The following TENM3 variants were observed in gnomAD, a reference collection of about 807,000 sequenced individuals.
The protein encoded by TENM3 is teneurin-3.
A neutral mutation model predicts 255.1 loss-of-function variants in TENM3; 63 were observed. The ratio of observed to expected loss-of-function variants is 0.25; its 90% CI spans 0.20 to 0.30. The LOEUF (loss-of-function observed/expected upper bound fraction) is 0.30, where lower values mean the gene tolerates loss of function less well. TENM3 is among the 10% of genes least tolerant of loss of function. The pLI, the probability that TENM3 is intolerant of heterozygous loss-of-function variation, is 1.00. For synonymous variants in TENM3, 1,306 were observed against 1,322.3 expected, an observed-to-expected ratio of 0.99 and a Z score of 0.27; for missense variants, 2,929 against 3,461.1, an observed-to-expected ratio of 0.85 and a Z score of 3.86.
chr4:181,605,588 A>AGAGAGAGAGAAAGAAAG, the TENM3 span, among the ~76,000 whole-genome samples: 3 of 37,550 alleles, frequency 8.0e-5, no homozygotes, highest in Non-Finnish European at 1.7e-4. Context: ...AAGAAAGGAA[A>AGAGAGAGAGAAAGAAAG]GAAAGAAAGA....
intron 12 of TENM3, among the ~76,000 whole-genome samples, chr4:182,702,527 T>C (rs1184777042): frequency 1.3e-5 from 2 of 152,220 alleles, no homozygotes; most frequent in African/African-American, 4.8e-5. Context: ...GAATCAATAA[T>C]ATTTAATATG....
At chr4:181,715,917 C>T in the TENM3 span, among the ~76,000 whole-genome samples, 1 of 152,184 alleles carries the variant, frequency 6.6e-6, no homozygotes, top group African/African-American at 2.4e-5. Context: ...ACAGATGATG[C>T]CTGACTCCAC....
intron 11 of TENM3, among the ~76,000 whole-genome samples, chr4:182,682,832 G>T (rs1254006562): frequency 6.6e-6 from 1 of 151,908 alleles, no homozygotes; most frequent in African/African-American, 2.4e-5. Context: ...TGCCATTCTA[G>T]TGTGGAAGAT....
chr4:182,424,108 A>G (rs1771033932), intron 3 of TENM3, among the ~76,000 whole-genome samples: 1 of 152,152 alleles, frequency 6.6e-6, no homozygotes, highest in Non-Finnish European at 1.5e-5. Flanking sequence ...AAACCTAAGA[A>G]TGGTCATTCA....
At chr4:182,411,591 T>C (rs557989622) in intron 3 of TENM3, among the ~76,000 whole-genome samples, 1 of 152,312 alleles carries the variant, frequency 6.6e-6, no homozygotes, top group Non-Finnish European at 1.5e-5. Context: ...ATATGCATTT[T>C]AAATGAGTGT....
At chr4:182,713,978 T>C in intron 12 of TENM3, 109 bp from the exon 13 acceptor site, 1 of 800,438 alleles carries the variant, frequency 1.2e-6, no homozygotes, top group African/African-American at 1.7e-5. Flanking sequence ...ATTACAGTAT[T>C]TGTGCTGTTT....
intron 3 of TENM3, among the ~76,000 whole-genome samples, chr4:182,386,767 C>T (rs931049855): frequency 1.8e-4 from 27 of 152,214 alleles, no homozygotes; most frequent in African/African-American, 5.5e-4. Flanking sequence ...GATTTCTCGC[C>T]GGGCCTTAGC....
At position 182,731,059 on chromosome 4, in the gene TENM3, A is replaced by G. The variant is rs748759964; in HGVS notation, c.2887A>G (p.Asn963Asp). 9.3e-6 allele frequency: 15 copies of G among 1,613,870 alleles called. 1 individual carries two copies. The South Asian group carries it at 1.6e-4, about 18-fold the overall frequency. ...TGATCTGAGTGGATTCGTGAGGCCA[A>G]ATCCCATCATTGTGTCATCACCTTT... ...SCDLSGFVRP[N>D]PIIVSSPLST... Residue 963 changes from asparagine (N) to aspartate (D), a missense_variant, in exon 16 of 28, where the codon AAT becomes GAT. Around this residue, in one of 6 missense-constraint regions of TENM3, gnomAD observed 1,608 missense variants for 1,884.4 expected, o/e 0.85. Coordinates refer to ENST00000511685, the MANE Select transcript of TENM3 (RefSeq NM_001080477.4).
chr4:182,620,555 A>G (rs1054711913), intron 4 of TENM3, among the ~76,000 whole-genome samples: 1 of 152,226 alleles, frequency 6.6e-6, no homozygotes, highest in Non-Finnish European at 1.5e-5. Flanking sequence ...ATATTTTCAC[A>G]TATCTATTTT....
intron 12 of TENM3, among the ~76,000 whole-genome samples, chr4:182,697,704 G>A (rs1757536160): frequency 6.6e-6 from 1 of 152,052 alleles, no homozygotes; most frequent in Non-Finnish European, 1.5e-5. Flanking sequence ...TTCCAATACT[G>A]TTTTTCTCAT....
chr4:182,657,084 T>C (rs73869803), intron 6 of TENM3, among the ~76,000 whole-genome samples: 21,820 of 152,178 alleles, frequency 0.14, 1,977 homozygotes, highest in East Asian at 0.36. Flanking sequence ...TTTAGCCTAA[T>C]GTACTGGAAA....
chr4:181,528,080 C>A, the TENM3 span, among the ~76,000 whole-genome samples: 2 of 151,564 alleles, frequency 1.3e-5, no homozygotes, highest in Non-Finnish European at 2.9e-5. Flanking sequence ...TCTCTGATTA[C>A]CTTTAGGAAA....
At chr4:182,078,922 C>G in the TENM3 span, among the ~76,000 whole-genome samples, 157 of 152,260 alleles carry the variant, frequency 1.0e-3, no homozygotes, top group Middle Eastern at 6.8e-3. Context: ...GTGCCCAGAC[C>G]TACTCTTGGC....
chr4:182,524,774 T>C (rs1738971261), intron 3 of TENM3, among the ~76,000 whole-genome samples: 1 of 148,594 alleles, frequency 6.7e-6, no homozygotes. Flanking sequence ...TCCTAAACTT[T>C]GGGAGGCCAA....
intron 24 of TENM3, among the ~76,000 whole-genome samples, chr4:182,785,390 T>C (rs920777970): frequency 6.6e-6 from 1 of 151,836 alleles, no homozygotes; most frequent in African/African-American, 2.4e-5. Flanking sequence ...ATATTTTTAA[T>C]AATAATTAAA....
the TENM3 span, among the ~76,000 whole-genome samples, chr4:181,496,051 C>T: frequency 4.6e-5 from 7 of 152,024 alleles, no homozygotes; most frequent in Non-Finnish European, 7.4e-5. Flanking sequence ...AGCAAATGAC[C>T]AGAAAATGAC....
the TENM3 span, among the ~76,000 whole-genome samples, chr4:181,916,908 G>T: frequency 1.3e-5 from 2 of 151,976 alleles, no homozygotes; most frequent in African/African-American, 2.4e-5. Context: ...GAAGCAGCAG[G>T]ACTTGGAATT....
At chr4:181,593,245 C>T in the TENM3 span, among the ~76,000 whole-genome samples, 650 of 152,242 alleles carry the variant, frequency 4.3e-3, 3 homozygotes, top group African/African-American at 0.014. Context: ...TTCTATTTTA[C>T]GATTAGGAAG....
In TENM3 at chr4:182,237,158, A is replaced by G. The variant is rs193196934; in HGVS notation, c.-75-86788A>G. 3.6e-4 allele frequency among the ~76,000 whole-genome samples: 55 copies of G among 152,170 alleles called. 2 individuals are homozygous for G. The highest frequency in any genetic ancestry group is 3.4e-3 in the Middle Eastern group (1 of 294). On this transcript the variant is annotated intron_variant, in intron 1 of 2. Transcript: ENST00000512480. ...AGGATAGTGGCGTCCAGCTCCATCC[A>G]TGTTCCTGCAAAGGACATGATCTCG... is the stretch of plus-strand genomic sequence containing the variant.
Sources: allele counts gnomAD v4.1 joint callset (sites outside exome capture counted in the v4.1 genomes callset), GRCh38; gene constraint gnomAD v4.1.1; regional missense constraint gnomAD v4.1.1; transcripts MANE v1.5; gene names NCBI Gene and HGNC (gene_info 2026-07-23, HGNC 2026-07-21).